Variants in PRKG1 observed in about 807,000 individuals in gnomAD.
PRKG1 encodes the protein cGMP-dependent protein kinase 1.
PRKG1 carries 35 observed loss-of-function variants against 88.1 expected under a neutral mutation model. The observed-to-expected ratio is 0.40, with a 90% CI of 0.30 to 0.53. The LOEUF is 0.53. PRKG1 is among the 20% of genes least tolerant of loss of function. The pLI, the probability that PRKG1 is intolerant of heterozygous loss-of-function variation, is 0.59. For synonymous variants in PRKG1, 303 were observed against 292.5 expected, an observed-to-expected ratio of 1.04 and a Z score of -0.37; for missense variants, 540 against 839.8, an observed-to-expected ratio of 0.64 and a Z score of 4.41.
intron 5 of PRKG1, among the ~76,000 whole-genome samples, chr10:52,040,184 A>T (rs1029004200): frequency 1.3e-5 from 2 of 152,228 alleles, no homozygotes; most frequent in Non-Finnish European, 2.9e-5. Flanking sequence ...AATTCTACAT[A>T]CATTTGACCT....
intron 7 of PRKG1, among the ~76,000 whole-genome samples, chr10:52,081,100 G>T (rs1469126456): frequency 6.6e-6 from 1 of 152,166 alleles, no homozygotes; most frequent in Non-Finnish European, 1.5e-5. Flanking sequence ...ACATTTCAGA[G>T]TCTCAGATAT....
At chr10:51,581,121 C>T (rs7896722) in intron 3 of PRKG1, among the ~76,000 whole-genome samples, 10,521 of 152,096 alleles carry the variant, frequency 0.069, 1,200 homozygotes, top group African/African-American at 0.24. Context: ...GGTCATTTGA[C>T]TATGAGGTGA....
chr10:51,763,687 T>C (rs1838083509), intron 3 of PRKG1, among the ~76,000 whole-genome samples: 1 of 152,006 alleles, frequency 6.6e-6, no homozygotes, highest in South Asian at 2.1e-4. Context: ...ATGCTACTTA[T>C]CTTAGTCTTT....
intron 9 of PRKG1, among the ~76,000 whole-genome samples, chr10:52,229,233 T>A (rs1840467647): frequency 6.6e-6 from 1 of 152,226 alleles, no homozygotes; most frequent in Non-Finnish European, 1.5e-5. Context: ...AAGACCTTTT[T>A]ATCAAAAGAG....
intron 10 of PRKG1, among the ~76,000 whole-genome samples, chr10:52,263,520 C>A (rs567871918): frequency 1.3e-5 from 2 of 152,046 alleles, no homozygotes; most frequent in South Asian, 4.2e-4. Context: ...AACATTCCTA[C>A]CACTGCAATA....
chr10:51,811,275 A>G (rs10999580), intron 4 of PRKG1, among the ~76,000 whole-genome samples: 24,324 of 152,092 alleles, frequency 0.16, 2,865 homozygotes, highest in African/African-American at 0.33. Context: ...TCAATATTAT[A>G]TAAACTTTTG....
At chr10:51,395,774 G>T (rs1167242774) in intron 2 of PRKG1, among the ~76,000 whole-genome samples, 1 of 152,130 alleles carries the variant, frequency 6.6e-6, no homozygotes, top group Non-Finnish European at 1.5e-5. Flanking sequence ...TGTGAGTGAA[G>T]GTATTGACCA....
chr10:52,063,415 C>T lies in PRKG1; in HGVS notation c.935+784C>T, dbSNP rs138187452. On this transcript the variant is annotated intron_variant, in intron 7 of 17. Coordinates refer to ENST00000373980, the MANE Select transcript of PRKG1 (RefSeq NM_006258.4). Reference sequence around the variant, plus strand: ...CACCAGGAACTGCATAGCCCCAAAGCGGGAGTCACAGCCCTGGCTCGGGGA... The same window carrying T: ...CACCAGGAACTGCATAGCCCCAAAGTGGGAGTCACAGCCCTGGCTCGGGGA... Among the ~76,000 whole-genome samples the T allele has an allele frequency of 9.3e-3, 1,414 of 152,316 alleles. 25 individuals carry two copies. Among genetic ancestry groups the T allele is most frequent in the African/African-American group, 0.031 (1,306 of 41,582 alleles).
chr10:51,155,123 G>C (rs771094108), intron 2 of PRKG1, among the ~76,000 whole-genome samples: 1 of 152,096 alleles, frequency 6.6e-6, no homozygotes, highest in South Asian at 2.1e-4. Context: ...AATTATTGCT[G>C]TTTCATTCAA....
At chr10:52,266,363 C>G (rs1308772349) in intron 10 of PRKG1, among the ~76,000 whole-genome samples, 1 of 151,900 alleles carries the variant, frequency 6.6e-6, no homozygotes, top group East Asian at 1.9e-4. Context: ...ATGCTCTCTG[C>G]CAACACCCCC....
chr10:52,222,844 G>A (rs903981538), intron 9 of PRKG1, among the ~76,000 whole-genome samples: 2 of 152,128 alleles, frequency 1.3e-5, no homozygotes, highest in Non-Finnish European at 2.9e-5. Flanking sequence ...AGTAATACTT[G>A]ATGTTATCCC....
intron 12 of PRKG1, among the ~76,000 whole-genome samples, chr10:52,280,367 A>G (rs1400282985): frequency 6.6e-6 from 1 of 152,196 alleles, no homozygotes; most frequent in Admixed American, 6.6e-5. Context: ...CCCTCTAAGA[A>G]TAAATATGAA....
chr10:51,310,416 C>G (rs1366023209), intron 2 of PRKG1, among the ~76,000 whole-genome samples: 1 of 152,050 alleles, frequency 6.6e-6, no homozygotes, highest in Non-Finnish European at 1.5e-5. Flanking sequence ...GTTTTTCTGT[C>G]CTCACACAGT....
rs573940272 is a variant in PRKG1 at position 52,276,401 on chromosome 10, G to A, written c.1403+3920G>A. Reference sequence around the variant, plus strand: ...ATACACTCACTGATTGTTGTTACTCGTCAATGAAAAAGGTGAAATATTTTG... The same window carrying A: ...ATACACTCACTGATTGTTGTTACTCATCAATGAAAAAGGTGAAATATTTTG... On this transcript the variant is annotated intron_variant, in intron 12 of 17. Transcript: ENST00000373980. Among the ~76,000 whole-genome samples the A allele has an allele frequency of 5.3e-5, 8 of 152,140 alleles. No homozygotes were observed. The East Asian group carries it at 9.7e-4, about 18-fold the overall frequency.
At chr10:51,301,366 A>G (rs1227397968) in intron 2 of PRKG1, among the ~76,000 whole-genome samples, 4 of 142,052 alleles carry the variant, frequency 2.8e-5, no homozygotes, top group South Asian at 4.2e-4. Context: ...AATGAGAGGG[A>G]AAAAAAATGC....
chr10:51,551,349 T>C (rs1232598344), intron 3 of PRKG1, among the ~76,000 whole-genome samples: 1 of 151,864 alleles, frequency 6.6e-6, no homozygotes, highest in Admixed American at 6.6e-5. Flanking sequence ...TATTTTTTGC[T>C]TTATAATAAA....
chr10:52,087,234 A>G (rs1355384475), intron 7 of PRKG1, among the ~76,000 whole-genome samples: 1 of 152,216 alleles, frequency 6.6e-6, no homozygotes, highest in Non-Finnish European at 1.5e-5. Context: ...TGCCAATTCG[A>G]TGGATAAGAA....
intron 14 of PRKG1, among the ~76,000 whole-genome samples, chr10:52,285,704 G>A (rs1369043346): frequency 1.3e-5 from 2 of 152,070 alleles, no homozygotes; most frequent in Non-Finnish European, 2.9e-5. Context: ...ATTTCTTTGA[G>A]GCTATCAAAA....
At chr10:52,213,927 A>G (rs11001209) in intron 9 of PRKG1, among the ~76,000 whole-genome samples, 23,144 of 152,228 alleles carry the variant, frequency 0.15, 2,547 homozygotes, top group East Asian at 0.52. Context: ...AAATCTTAAA[A>G]GGAAAACCAA....
Sources: gnomAD v4.1 joint callset for allele counts (sites outside exome capture counted in the v4.1 genomes callset) on GRCh38, gnomAD v4.1.1 for gene constraint, MANE v1.5 for transcripts, NCBI Gene and HGNC (gene_info 2026-07-23, HGNC 2026-07-21) for gene names.